TRDN: variants seen among roughly 807,000 people sequenced by gnomAD.
TRDN encodes triadin, also known as triadin in skeletal muscle.
A neutral mutation model predicts 149.7 loss-of-function variants in TRDN; 161 were observed. The observed-to-expected ratio is 1.08, with a 90% confidence interval of 0.95 to 1.23. TRDN has a LOEUF of 1.23. Among genes scored for constraint, TRDN ranks in the 50% most tolerant of loss-of-function variants. The pLI, the probability that TRDN is intolerant of heterozygous loss-of-function variation, is 0.00. For missense variants in TRDN, 896 were observed against 823.5 expected (o/e 1.09, Z -1.08); for synonymous variants, 294 against 250.5 (o/e 1.17, Z -1.64).
At chr6:123,590,463 T>C (rs1783723818) in intron 1 of TRDN, among the ~76,000 whole-genome samples, 1 of 152,116 alleles carries the variant, frequency 6.6e-6, no homozygotes. Flanking sequence ...TATATTACAA[T>C]GTAATAATAA....
intron 23 of TRDN, among the ~76,000 whole-genome samples, chr6:123,317,186 A>G (rs576144075): frequency 2.0e-5 from 3 of 151,824 alleles, no homozygotes; most frequent in Non-Finnish European, 4.4e-5. Flanking sequence ...ATAGTTGACT[A>G]TATTTTCATG....
intron 4 of TRDN, among the ~76,000 whole-genome samples, chr6:123,533,774 C>T (rs186574555): frequency 3.4e-4 from 51 of 152,130 alleles, no homozygotes; most frequent in Non-Finnish European, 6.6e-4. Context: ...GTATTATCTC[C>T]CTTTCCCAAA....
intron 5 of TRDN, among the ~76,000 whole-genome samples, chr6:123,519,347 C>A (rs1779557707): frequency 1.3e-5 from 2 of 152,194 alleles, no homozygotes; most frequent in South Asian, 4.1e-4. Flanking sequence ...CTCACCCTCC[C>A]ATCTGGCCCC....
intron 12 of TRDN, among the ~76,000 whole-genome samples, chr6:123,407,125 A>G (rs558328791): frequency 1.1e-4 from 17 of 152,186 alleles, no homozygotes; most frequent in Admixed American, 2.0e-4. Flanking sequence ...CCATTGTTTT[A>G]TTATCTGAGT....
intron 31 of TRDN, among the ~76,000 whole-genome samples, chr6:123,269,168 G>T (rs575627480): frequency 1.1e-3 from 166 of 151,852 alleles, no homozygotes; most frequent in African/African-American, 3.5e-3. Flanking sequence ...TACCACAGTG[G>T]GTAAATATTT....
chr6:123,600,095 T>C (rs4142147), intron 1 of TRDN, among the ~76,000 whole-genome samples: 1 of 152,064 alleles, frequency 6.6e-6, no homozygotes, highest in Non-Finnish European at 1.5e-5. Flanking sequence ...TGAATTGGTG[T>C]GCAGAGTTGA....
At chr6:123,364,479 A>C (rs542611270) in intron 20 of TRDN, among the ~76,000 whole-genome samples, 2 of 152,272 alleles carry the variant, frequency 1.3e-5, no homozygotes, top group African/African-American at 4.8e-5. Flanking sequence ...TGTACTAAAA[A>C]TACAAAAATT....
chr6:123,277,655 G>A (rs975266684), intron 26 of TRDN, among the ~76,000 whole-genome samples: 1 of 152,070 alleles, frequency 6.6e-6, no homozygotes, highest in Non-Finnish European at 1.5e-5. Flanking sequence ...GGAACACCAA[G>A]GATTGCTGGA....
chr6:123,266,451 A>C lies in TRDN; in HGVS notation c.1784-1113T>G. On this transcript the variant is annotated intron_variant, in intron 32 of 40. Transcript: ENST00000334268. ...ATGTATTATATATAATATATAGATT[A>C]TGATATGTATTATATATAATATATA... 2.2e-5 allele frequency among the ~76,000 whole-genome samples: 2 copies of C among 89,688 alleles called. 1 individual carries two copies. Among genetic ancestry groups the C allele is most frequent in the Non-Finnish European group, 3.8e-5 (2 of 52,814 alleles). 58.8% of individuals were successfully genotyped at this position (89,688 alleles called of 152,430 possible).
intron 1 of TRDN, among the ~76,000 whole-genome samples, chr6:123,607,452 A>T (rs961571089): frequency 1.3e-5 from 2 of 152,202 alleles, no homozygotes; most frequent in East Asian, 3.8e-4. Flanking sequence ...ATATATACAG[A>T]TTACATTAAT....
chr6:123,308,237 A>G (rs1582849410), intron 24 of TRDN, among the ~76,000 whole-genome samples: 1 of 151,550 alleles, frequency 6.6e-6, no homozygotes, highest in Non-Finnish European at 1.5e-5. Context: ...TAGTTGTACC[A>G]TATTTTCTTT....
intron 10 of TRDN, among the ~76,000 whole-genome samples, chr6:123,443,771 T>C (rs34264585): frequency 0.091 from 12,410 of 135,654 alleles, 890 homozygotes; most frequent in African/African-American, 0.2. Flanking sequence ...ATTTATTAAA[T>C]AGGGAATCCT....
rs1448995047 is a variant in TRDN, at chr6:123,477,843, G to A, written c.854-12860C>T. 4.0e-5 allele frequency among the ~76,000 whole-genome samples: 6 copies of A among 150,454 alleles called. No individual in the cohort carries two copies. In the South Asian group the frequency reaches 1.1e-3, roughly 26 times the overall value. On this transcript the variant is annotated intron_variant, in intron 9 of 40. Coordinates refer to ENST00000334268, the MANE Select transcript of TRDN (RefSeq NM_006073.4). ...CAAACACCGCATATTCTCACTCATAGGTGGGAATTGAACGATGAGATCACA... is the reference window on the plus strand; with the variant it reads ...CAAACACCGCATATTCTCACTCATAAGTGGGAATTGAACGATGAGATCACA...
chr6:123,259,657 T>C lies in TRDN; in HGVS notation c.1837A>G (p.Lys613Glu). ...TCTTTTTCAGATATTTCAGTTTTCT[T>C]CTTTCCTAGGGGAAAGAAAAACAAC... ...GTSEVTESGK[K>E]KTEISEKESK... is the part of the protein sequence containing the mutation. Residue 613 changes from lysine (K) to glutamate (E), a missense_variant, in exon 35 of 41, where the codon AAG becomes GAG. By Grantham distance (56) the Lys-to-Glu change is moderately conservative. Coordinates refer to ENST00000334268, the MANE Select transcript of TRDN (RefSeq NM_006073.4). 6.8e-7 allele frequency: 1 copy of C among 1,471,190 alleles called. No homozygotes were observed. Among genetic ancestry groups the C allele is most frequent in the African/African-American group, 1.4e-5 (1 of 70,590 alleles). 91.1% of individuals were successfully genotyped at this position (1,471,190 alleles called of 1,614,324 possible). A position where few individuals can be genotyped will look rare whatever the true frequency, so the allele number is the denominator to read the frequency against.
At chr6:123,221,618 A>T in intron 39 of TRDN, 96 bp from the exon 40 acceptor site, 1 of 741,960 alleles carries the variant, frequency 1.3e-6, no homozygotes, top group South Asian at 2.2e-5. Context: ...GAAGCACACT[A>T]TGAAAGAAAC....
In TRDN at chr6:123,269,865, G is replaced by T; in HGVS notation, c.1722C>A (p.Ala574=). 6.2e-7 allele frequency: 1 copy of T among 1,610,446 alleles called. No individual in the cohort carries two copies. Among genetic ancestry groups the T allele is most frequent in the Non-Finnish European group, 8.5e-7 (1 of 1,177,998 alleles). The change falls in exon 31 of 41, where the codon GCC becomes GCA. Residue 574 remains alanine (A), a splice_region_variant and synonymous_variant. Coordinates refer to ENST00000334268, the MANE Select transcript of TRDN (RefSeq NM_006073.4). ...ATCTCTTACTTGTTGGTTTGGGCTT[G>T]GCTGTGGAGAATGGAGGCAAGCACA... is the stretch of plus-strand genomic sequence containing the variant. ...QVKAVTIEKT[A]KPKPTKKAEH...
intron 24 of TRDN, among the ~76,000 whole-genome samples, chr6:123,303,302 A>C (rs953129368): frequency 8.3e-6 from 1 of 120,946 alleles, no homozygotes; most frequent in Non-Finnish European, 2.0e-5. Flanking sequence ...TTAACCAATG[A>C]TTTCCTTTCC....
At chr6:123,592,969 AT>A (rs1248508201) in intron 1 of TRDN, among the ~76,000 whole-genome samples, 1 of 152,222 alleles carries the variant, frequency 6.6e-6, no homozygotes, top group African/African-American at 2.4e-5. Context: ...CACATTATAT[AT>A]TCAAATTTGG....
intron 1 of TRDN, among the ~76,000 whole-genome samples, chr6:123,624,480 T>G (rs1174153699): frequency 6.6e-6 from 1 of 152,152 alleles, no homozygotes; most frequent in Non-Finnish European, 1.5e-5. Flanking sequence ...CCCTAGAGAA[T>G]TCTGCTGACT....
Sources: gnomAD v4.1 joint callset for allele counts (sites outside exome capture counted in the v4.1 genomes callset) on GRCh38, gnomAD v4.1.1 for gene constraint, MANE v1.5 for transcripts, NCBI Gene and HGNC (gene_info 2026-07-23, HGNC 2026-07-21) for gene names.